ZBTB44: variants seen among roughly 807,000 people sequenced by gnomAD.
ZBTB44 encodes zinc finger and BTB domain-containing protein 44.
A neutral mutation model predicts 54.0 loss-of-function variants in ZBTB44; 15 were observed. That is an observed-to-expected ratio of 0.28 (90% CI 0.19 to 0.43). The LOEUF (loss-of-function observed/expected upper bound fraction) is 0.43, where lower values mean the gene tolerates loss of function less well. ZBTB44 is among the 20% of genes least tolerant of loss of function. The pLI is 1.00. For missense variants in ZBTB44, 487 were observed against 707.1 expected (o/e 0.69, Z 3.53); for synonymous variants, 230 against 250.1 (o/e 0.92, Z 0.76).
chr11:130,264,955 T>C (rs1029041496), intron 1 of ZBTB44, among the ~76,000 whole-genome samples: 2 of 152,186 alleles, frequency 1.3e-5, no homozygotes, highest in African/African-American at 4.8e-5. Flanking sequence ...AAATTTTTCA[T>C]TATTATTATA....
At chr11:130,282,776 C>T (rs948009343) in intron 1 of ZBTB44, among the ~76,000 whole-genome samples, 2 of 152,146 alleles carry the variant, frequency 1.3e-5, no homozygotes, top group African/African-American at 4.8e-5. Context: ...CAATTATCAC[C>T]TGTATTTTAT....
chr11:130,281,250 T>C (rs1431254206), intron 1 of ZBTB44, among the ~76,000 whole-genome samples: 1 of 152,146 alleles, frequency 6.6e-6, no homozygotes. Context: ...CCGGGCGCGG[T>C]GGCTCACGCC....
rs762774141 is a variant in ZBTB44, at chr11:130,261,117, T to C, written c.757A>G (p.Thr253Ala). 3 of 1,614,008 alleles carry C rather than the reference T, an allele frequency of 1.9e-6. No individual in the cohort carries two copies. The highest frequency in any genetic ancestry group is 2.5e-6 in the Non-Finnish European group (3 of 1,179,892). ...EKVKQAENTR[T>A]LELPGPSETG... The stretch of plus-strand genomic sequence containing the variant: ...TCAGATGGGCCAGGTAATTCTAAAG[T>C]CCGGGTATTTTCTGCTTGCTTAACT... Residue 253 changes from threonine to alanine, a missense_variant, in exon 2 of 8, where the codon ACT (threonine) becomes GCT (alanine). Thr to Ala is a moderately conservative substitution (Grantham distance 58). Transcript: ENST00000357899. The surrounding 1 kb of genome is among the most constrained non-coding windows in gnomAD (Gnocchi z 4.8).
Position 130,233,651 on chromosome 11 carries a change from G to T in ZBTB44, c.1687-269C>A, listed in dbSNP as rs1046658353. Reference sequence around the variant, plus strand: ...CTCATGTACCCTCTTGTCTCAAGAAGGTCAATAATCATCTGATTTCCTCTC... The same window carrying T: ...CTCATGTACCCTCTTGTCTCAAGAATGTCAATAATCATCTGATTTCCTCTC... On this transcript the variant is annotated intron_variant, in intron 6 of 7. Transcript: ENST00000357899. The T allele has an allele frequency of 2.4e-6, 3 of 1,260,048 alleles. No homozygotes were observed. In the African/African-American group the frequency reaches 4.6e-5, roughly 19 times the overall value. The allele number at this position is 1,260,048 out of a possible 1,614,324, so 78.1% of individuals were successfully genotyped here.
At chr11:130,304,474 C>T (rs1178905311) in intron 1 of ZBTB44, among the ~76,000 whole-genome samples, 1 of 152,102 alleles carries the variant, frequency 6.6e-6, no homozygotes, top group Admixed American at 6.5e-5. Flanking sequence ...TAATGCTTGA[C>T]CATTTTCAGT....
At chr11:130,293,747 G>A (rs12292919) in intron 1 of ZBTB44, among the ~76,000 whole-genome samples, 2 of 151,868 alleles carry the variant, frequency 1.3e-5, no homozygotes, top group African/African-American at 4.8e-5. Context: ...CGTGGGCCAA[G>A]ACTGCACCAT....
At chr11:130,242,403 T>C (rs1388901829) in intron 2 of ZBTB44, among the ~76,000 whole-genome samples, 1 of 152,224 alleles carries the variant, frequency 6.6e-6, no homozygotes, top group Non-Finnish European at 1.5e-5. Context: ...TGTTCTCACA[T>C]TTACCTCTGC....
Position 130,231,020 on chromosome 11 carries a change from C to T in ZBTB44, c.*744G>A, listed in dbSNP as rs1045399566. The T allele has an allele frequency of 1.3e-5, 2 of 152,018 alleles. No individual in the cohort carries two copies. The highest frequency in any genetic ancestry group is 4.8e-5 in the African/African-American group (2 of 41,434). 9.4% of individuals were successfully genotyped at this position (152,018 alleles called of 1,614,324 possible). A position where few individuals can be genotyped will look rare whatever the true frequency, so the allele number is the denominator to read the frequency against. On this transcript the variant is annotated 3_prime_UTR_variant, in exon 8 of 8. Coordinates refer to ENST00000357899, the MANE Select transcript of ZBTB44 (RefSeq NM_001301098.2). ...AGATACCACAAAGTTACCCTCCTGG[C>T]CTTAAGAAAGATAGCTACGTTTAAG...
At chr11:130,280,220 A>C (rs573739054) in intron 1 of ZBTB44, among the ~76,000 whole-genome samples, 76 of 152,356 alleles carry the variant, frequency 5.0e-4, no homozygotes, top group African/African-American at 1.7e-3. Context: ...ATTTAATCAC[A>C]ACAATGAAAA....
At chr11:130,235,906 G>A (rs1954086992) in intron 5 of ZBTB44, among the ~76,000 whole-genome samples, 1 of 151,206 alleles carries the variant, frequency 6.6e-6, no homozygotes, top group African/African-American at 2.4e-5. Flanking sequence ...GGAGGCTGAG[G>A]TTGCAGTAAG....
rs1045216578 is a variant in ZBTB44 at position 130,227,884 on chromosome 11, G to C, written c.*3880C>G. ...CTGACTTTCTCATTATGCTTCTCTG[G>C]AAAGACACTTCTAAATCCTGGAGAT... On this transcript the variant is annotated 3_prime_UTR_variant, in exon 8 of 8. Transcript: ENST00000357899. 6.6e-6 allele frequency: 1 copy of C among 151,834 alleles called. No individual in the cohort carries two copies. The highest frequency in any genetic ancestry group is 1.5e-5 in the Non-Finnish European group (1 of 67,980). 9.4% of individuals were successfully genotyped at this position (151,834 alleles called of 1,614,324 possible).
intron 1 of ZBTB44, among the ~76,000 whole-genome samples, chr11:130,268,367 A>C (rs959009735): frequency 9.9e-5 from 15 of 152,200 alleles, no homozygotes; most frequent in African/African-American, 3.6e-4. Context: ...ACCCATCAAT[A>C]TCAAGGCAAG....
chr11:130,280,127 C>T (rs916348290), intron 1 of ZBTB44, among the ~76,000 whole-genome samples: 1 of 152,126 alleles, frequency 6.6e-6, no homozygotes, highest in Non-Finnish European at 1.5e-5. Context: ...CAAAGTACAG[C>T]CTTCATTTCA....
intron 2 of ZBTB44, among the ~76,000 whole-genome samples, chr11:130,248,130 A>C (rs1385132925): frequency 6.6e-6 from 1 of 152,226 alleles, no homozygotes; most frequent in Non-Finnish European, 1.5e-5. Flanking sequence ...CCTCTCAGAG[A>C]TGTTCTTTAA....
chr11:130,298,568 T>A (rs1941805048), intron 1 of ZBTB44, among the ~76,000 whole-genome samples: 1 of 151,240 alleles, frequency 6.6e-6, no homozygotes, highest in Non-Finnish European at 1.5e-5. Context: ...GTTCAAGCGA[T>A]TCTCCTGTCT....
chr11:130,290,645 C>A (rs765972246), intron 1 of ZBTB44, among the ~76,000 whole-genome samples: 9 of 152,198 alleles, frequency 5.9e-5, no homozygotes, highest in Non-Finnish European at 8.8e-5. Context: ...TGAGTCCAGA[C>A]ACTTATTAGC....
intron 1 of ZBTB44, chr11:130,296,046 T>A: frequency 6.3e-7 from 1 of 1,583,892 alleles, no homozygotes; most frequent in South Asian, 1.1e-5. Context: ...TGGTTATTGA[T>A]GAAGCTGATC....
At chr11:130,292,751 A>C (rs997394769) in intron 1 of ZBTB44, among the ~76,000 whole-genome samples, 1 of 152,212 alleles carries the variant, frequency 6.6e-6, no homozygotes, top group Non-Finnish European at 1.5e-5. Context: ...TGATTTAGGA[A>C]TGGAAGAACC....
At chr11:130,295,377 C>T (rs1357791377) in intron 1 of ZBTB44, among the ~76,000 whole-genome samples, 1 of 152,082 alleles carries the variant, frequency 6.6e-6, no homozygotes, top group Non-Finnish European at 1.5e-5. Flanking sequence ...GCAATGCAGT[C>T]TCCCAATTCA....
Sources: allele counts gnomAD v4.1 joint callset (sites outside exome capture counted in the v4.1 genomes callset), GRCh38; gene constraint gnomAD v4.1.1; non-coding constraint Gnocchi (gnomAD v3.1); transcripts MANE v1.5; gene names NCBI Gene and HGNC (gene_info 2026-07-23, HGNC 2026-07-21).